PRSS12: variants seen among roughly 807,000 people sequenced by gnomAD.
The protein encoded by PRSS12 is serine protease 12, also known as neurotrypsin.
A neutral mutation model predicts 104.4 loss-of-function variants in PRSS12; 85 were observed. The observed-to-expected ratio is 0.81, with a 90% CI of 0.68 to 0.98. The LOEUF is 0.98. Among genes scored for constraint, PRSS12 ranks in the 50% least tolerant of loss-of-function variants. PRSS12 has a pLI of 0.00. For missense variants in PRSS12, 1,141 were observed against 1,139.2 expected (o/e 1.00, Z -0.02); for synonymous variants, 454 against 425.2 (o/e 1.07, Z -0.83).
Position 118,318,554 on chromosome 4 carries a change from C to G in PRSS12, c.974G>C (p.Gly325Ala). 6.2e-7 allele frequency: 1 copy of G among 1,613,610 alleles called. No individual in the cohort carries two copies. Among genetic ancestry groups the G allele is most frequent in the Non-Finnish European group, 8.5e-7 (1 of 1,179,764 alleles). The change falls in exon 5 of 13, where the codon GGC becomes GCC. Residue 325 changes from glycine to alanine, a missense_variant and splice_region_variant. Gly to Ala is a moderately conservative substitution (Grantham distance 60). Coordinates refer to ENST00000296498, the MANE Select transcript of PRSS12 (RefSeq NM_003619.4). Reference sequence around the variant, plus strand: ...TGCCTGATGCCATGCTTTGGCAATGCCACTGAACAAATAAAAGAATGTAAG... The same window carrying G: ...TGCCTGATGCCATGCTTTGGCAATGGCACTGAACAAATAAAAGAATGTAAG... The part of the protein sequence containing the change: ...EVICRQLGLS[G>A]IAKAWHQAYF...
Position 118,338,242 on chromosome 4 carries a change from C to T in PRSS12, c.575G>A (p.Gly192Asp), listed in dbSNP as rs778127929. The T allele has an allele frequency of 6.2e-7, 1 of 1,614,034 alleles. No homozygotes were observed. ...ATCCCAGTGGCTGCTACAGACAGTG[C>T]CCCAAACTCCACTTGCATATACTTC... is the stretch of plus-strand genomic sequence containing the variant. Reference protein sequence around the residue: ...TVEVYASGVWGTVCSSHWDDS... With the variant: ...TVEVYASGVWDTVCSSHWDDS... The change falls in exon 2 of 13, where the codon GGC becomes GAC. Residue 192 changes from glycine to aspartate, a missense_variant. Gly to Asp is a moderately conservative substitution (Grantham distance 94, BLOSUM62 -1). Coordinates refer to ENST00000296498, the MANE Select transcript of PRSS12 (RefSeq NM_003619.4).
In PRSS12 at chr4:118,282,172, A is replaced by G. The variant is rs1010987080; in HGVS notation, c.2392T>C (p.Tyr798His). The G allele has an allele frequency of 7.4e-6, 12 of 1,614,036 alleles. No individual in the cohort carries two copies. The highest frequency in any genetic ancestry group is 1.0e-5 in the Non-Finnish European group (12 of 1,180,034). ...ATTCTCCCTGTAAACCGACCCTTATAACGTTCTTCACAAAACCTTTTAGGA... is the reference window on the plus strand; with the variant it reads ...ATTCTCCCTGTAAACCGACCCTTATGACGTTCTTCACAAAACCTTTTAGGA... ...LLPKRFCEERYKGRFTGRMLC... is the reference protein window; with the variant it reads ...LLPKRFCEERHKGRFTGRMLC... Residue 798 changes from tyrosine (Y) to histidine (H), a missense_variant, in exon 13 of 13, where the codon TAT becomes CAT. Physicochemically the swap from Tyr to His is moderately conservative, Grantham distance 83. Coordinates refer to ENST00000296498, the MANE Select transcript of PRSS12 (RefSeq NM_003619.4).
At chr4:118,282,646 G>GT (rs1256940438) in intron 12 of PRSS12, among the ~76,000 whole-genome samples, 185 bp downstream of exon 12, 1 of 152,182 alleles carries the variant, frequency 6.6e-6, no homozygotes, top group Non-Finnish European at 1.5e-5. Context: ...TTATGCTAAA[G>GT]TTCTCATTAG....
intron 1 of PRSS12, among the ~76,000 whole-genome samples, chr4:118,340,170 T>G (rs559949483): frequency 6.6e-6 from 1 of 152,164 alleles, no homozygotes; most frequent in Non-Finnish European, 1.5e-5. Flanking sequence ...AACAATATAA[T>G]AGCAATGATA....
In PRSS12 at chr4:118,338,286, AT is replaced by A; in HGVS notation, c.530del (p.Asn177MetfsTer42). On this transcript the variant is annotated frameshift_variant, in exon 2 of 13. Coordinates refer to ENST00000296498, the MANE Select transcript of PRSS12 (RefSeq NM_003619.4). LOFTEE classifies it high-confidence loss of function. ...ATACTTCCACTGTGCCTTCAAACTC[AT>A]TTTTGCCGCCACGAAGTCGTACTGA... ...HGSVRLRGGK[N>X]EFEGTVEVYA... 2 of 1,613,982 alleles carry A rather than the reference AT, an allele frequency of 1.2e-6. No individual in the cohort carries two copies. The highest frequency in any genetic ancestry group is 1.7e-6 in the Non-Finnish European group (2 of 1,179,952).
chr4:118,349,966 G>T (rs1001371050), intron 1 of PRSS12, among the ~76,000 whole-genome samples: 1 of 152,122 alleles, frequency 6.6e-6, no homozygotes, highest in Non-Finnish European at 1.5e-5. Flanking sequence ...TTGCACCACT[G>T]CACTCCAGCC....
At position 118,313,479 on chromosome 4, in the gene PRSS12, T is replaced by C. The variant is rs1578918225; in HGVS notation, c.1293-82A>G. ...CACAAAACATTTAACACAAGCAACTTAGTTCAGTGACATGACTTCAGAGGA... is the reference window on the plus strand; with the variant it reads ...CACAAAACATTTAACACAAGCAACTCAGTTCAGTGACATGACTTCAGAGGA... On this transcript the variant is annotated intron_variant, in intron 6 of 12. Transcript: ENST00000296498. 3 of 1,414,280 alleles carry C rather than the reference T, an allele frequency of 2.1e-6. No homozygotes were observed. The East Asian group carries it at 6.9e-5, about 33-fold the overall frequency. The allele number at this position is 1,414,280 out of a possible 1,614,324, so 87.6% of individuals were successfully genotyped here.
chr4:118,284,696 A>T (rs28621551), intron 11 of PRSS12, among the ~76,000 whole-genome samples: 477 of 152,108 alleles, frequency 3.1e-3, no homozygotes, highest in African/African-American at 0.011. Flanking sequence ...TTCCCTTATT[A>T]TCTGGCTTGG....
intron 5 of PRSS12, among the ~76,000 whole-genome samples, chr4:118,316,837 A>AAAAAAATATATATATATATATATATAT (rs35698159): frequency 3.0e-5 from 3 of 99,182 alleles, no homozygotes; most frequent in African/African-American, 1.0e-4. Flanking sequence ...AAAAAAAAAA[A>AAAAAAATATATATATATATATATATAT]ATATATATAT....
intron 11 of PRSS12, among the ~76,000 whole-genome samples, chr4:118,293,936 A>C (rs1324562813): frequency 6.6e-6 from 1 of 152,228 alleles, no homozygotes; most frequent in African/African-American, 2.4e-5. Context: ...TCTATCAATG[A>C]AAGAATGGAA....
Position 118,335,487 on chromosome 4 carries a change from C to T in PRSS12, c.806G>A (p.Cys269Tyr). 1 of 1,613,790 alleles carries T rather than the reference C, an allele frequency of 6.2e-7. No individual in the cohort carries two copies. The highest frequency in any genetic ancestry group is 1.1e-5 in the South Asian group (1 of 91,068). Residue 269 changes from cysteine (C) to tyrosine (Y), a missense_variant, in exon 3 of 13, where the codon TGT (cysteine) becomes TAT (tyrosine). Transcript: ENST00000296498. ...CTTTTTTTTACCATGGGAAAAGCTA[C>T]ACGTGACAGCAGCTGCCATCTTCTG... ...CPQKMAAAVTCSFSHGPTFPI... is the reference protein window; with the variant it reads ...CPQKMAAAVTYSFSHGPTFPI...
At chr4:118,318,231 C>A (rs1421480965) in intron 5 of PRSS12, 147 bp downstream of exon 5, 1 of 780,838 alleles carries the variant, frequency 1.3e-6, no homozygotes. Context: ...CTTTAATATA[C>A]GGTTTGCATT....
intron 1 of PRSS12, among the ~76,000 whole-genome samples, chr4:118,346,441 C>T (rs946421106): frequency 2.3e-5 from 3 of 131,132 alleles, no homozygotes; most frequent in East Asian, 2.2e-4. Flanking sequence ...TAAACACTAT[C>T]GTAAACACTT....
intron 8 of PRSS12, among the ~76,000 whole-genome samples, chr4:118,304,914 T>C (rs1374989312): frequency 6.6e-6 from 1 of 151,940 alleles, no homozygotes; most frequent in Non-Finnish European, 1.5e-5. Flanking sequence ...CTAATCCTCA[T>C]GCATCATAGA....
At chr4:118,351,534 T>C (rs1307931132) in intron 1 of PRSS12, among the ~76,000 whole-genome samples, 1 of 152,204 alleles carries the variant, frequency 6.6e-6, no homozygotes, top group Non-Finnish European at 1.5e-5. Context: ...AGCTAAGTAA[T>C]GGCTCTGGAA....
intron 4 of PRSS12, among the ~76,000 whole-genome samples, chr4:118,321,359 A>G (rs373058371): frequency 2.6e-5 from 4 of 152,214 alleles, no homozygotes; most frequent in African/African-American, 9.6e-5. Context: ...TTTGTATATT[A>G]CTGACCATGT....
intron 1 of PRSS12, among the ~76,000 whole-genome samples, chr4:118,345,992 T>C (rs1322015173): frequency 6.6e-6 from 1 of 152,210 alleles, no homozygotes; most frequent in Non-Finnish European, 1.5e-5. Context: ...AAGGAACATG[T>C]GATCCAGTCT....
rs1477139574 is a variant in PRSS12, at chr4:118,318,428, T to C, written c.1100A>G (p.His367Arg). 2 of 1,614,150 alleles carry C rather than the reference T, an allele frequency of 1.2e-6. No individual in the cohort carries two copies. Among genetic ancestry groups the C allele is most frequent in the Middle Eastern group, 1.7e-4 (1 of 6,058 alleles). Residue 367 changes from histidine to arginine, a missense_variant, in exon 5 of 13, where the codon CAT becomes CGT. Physicochemically the swap from His to Arg is conservative, Grantham distance 29. Coordinates refer to ENST00000296498, the MANE Select transcript of PRSS12 (RefSeq NM_003619.4). ...AGCATCTTCTTTATGGCCACAGTTA[T>C]GCTCTCCCCAGGAGCTCTTTGGACA... Reference protein sequence around the residue: ...EQCPKSSWGEHNCGHKEDAGV... With the variant: ...EQCPKSSWGERNCGHKEDAGV...
In PRSS12 at chr4:118,280,356, A is replaced by G. The variant is rs1742810216; in HGVS notation, c.*1580T>C. On this transcript the variant is annotated 3_prime_UTR_variant, in exon 13 of 13. Coordinates refer to ENST00000296498, the MANE Select transcript of PRSS12 (RefSeq NM_003619.4). Reference sequence around the variant, plus strand: ...GTGTGCCATGTGTAGTTCTATTTACATATAAACGCTACTTTAAAAGTTTAT... The same window carrying G: ...GTGTGCCATGTGTAGTTCTATTTACGTATAAACGCTACTTTAAAAGTTTAT... The G allele has an allele frequency of 1.4e-5, 2 of 147,154 alleles. No homozygotes were observed. The highest frequency in any genetic ancestry group is 7.0e-5 in the Admixed American group (1 of 14,238). The allele number at this position is 147,154 out of a possible 1,614,324, so 9.1% of individuals were successfully genotyped here.
Sources: gnomAD v4.1 joint callset for allele counts (sites outside exome capture counted in the v4.1 genomes callset) on GRCh38, gnomAD v4.1.1 for gene constraint, MANE v1.5 for transcripts, NCBI Gene and HGNC (gene_info 2026-07-23, HGNC 2026-07-21) for gene names.